GNAS-AS1: variants seen among roughly 807,000 people sequenced by gnomAD.
GNAS-AS1 encodes the protein GNAS antisense RNA 1.
intron 4 of GNAS-AS1, among the ~76,000 whole-genome samples, chr20:58,825,417 C>T (rs1054818015): frequency 1.6e-4 from 24 of 152,194 alleles, no homozygotes; most frequent in Non-Finnish European, 7.3e-5. Context: ...AGGGCTGCAC[C>T]TGGAGGGACA....
chr20:58,832,638 G>GA (rs1490981588), intron 4 of GNAS-AS1, among the ~76,000 whole-genome samples: 1 of 152,160 alleles, frequency 6.6e-6, no homozygotes, highest in Non-Finnish European at 1.5e-5. Flanking sequence ...AACTGAGCAG[G>GA]AATGAAACCA....
intron 4 of GNAS-AS1, among the ~76,000 whole-genome samples, chr20:58,830,356 TCACCACCACCACAA>T (rs2085551374): frequency 2.7e-5 from 1 of 37,042 alleles, no homozygotes; most frequent in Non-Finnish European, 5.2e-5. Flanking sequence ...CACACCACCA[TCACCACCACCACAA>T]CACCATCACC....
chr20:58,822,016 G>T (rs185472798), intron 4 of GNAS-AS1, among the ~76,000 whole-genome samples: 148 of 152,286 alleles, frequency 9.7e-4, no homozygotes, highest in African/African-American at 3.4e-3. Flanking sequence ...GAGGGAGGCC[G>T]AGGGATGCAC....
chr20:58,839,358 T>TAC, intron 4 of GNAS-AS1: 3 of 399,456 alleles, frequency 7.5e-6, no homozygotes, highest in Non-Finnish European at 8.8e-6. Flanking sequence ...TACTCGTGTA[T>TAC]AGACAGACCC....
At chr20:58,820,933 A>T (rs1024899478) in intron 4 of GNAS-AS1, among the ~76,000 whole-genome samples, 1 of 152,138 alleles carries the variant, frequency 6.6e-6, no homozygotes, top group Non-Finnish European at 1.5e-5. Context: ...ACAGAGCCAA[A>T]CCATATCAGA....
intron 4 of GNAS-AS1, chr20:58,838,693 G>A (rs999495967): frequency 2.0e-5 from 5 of 250,438 alleles, no homozygotes; most frequent in Non-Finnish European, 2.2e-5. Context: ...CGAGGCGGGC[G>A]GATCACTTGA....
At chr20:58,846,541 T>G (rs1046456661) in intron 2 of GNAS-AS1, among the ~76,000 whole-genome samples, 4 of 152,236 alleles carry the variant, frequency 2.6e-5, no homozygotes, top group African/African-American at 9.6e-5. Flanking sequence ...CCTAGAAATC[T>G]AGCTGTCTAG....
At chr20:58,825,295 A>T (rs759231208) in intron 4 of GNAS-AS1, among the ~76,000 whole-genome samples, 2 of 152,204 alleles carry the variant, frequency 1.3e-5, no homozygotes, top group Non-Finnish European at 2.9e-5. Flanking sequence ...TTTGGTGGGA[A>T]ATCTTTGTGT....
At chr20:58,819,090 C>G (rs1015335937) in exon 5 of GNAS-AS1, 1 of 398,674 alleles carries the variant, frequency 2.5e-6, no homozygotes, top group African/African-American at 2.1e-5. Flanking sequence ...TCACCAAACT[C>G]TCTTTGCTTA....
At chr20:58,825,979 T>C (rs923768803) in intron 4 of GNAS-AS1, 4 of 398,242 alleles carry the variant, frequency 1.0e-5, no homozygotes, top group Non-Finnish European at 1.8e-5. Flanking sequence ...GAAAGGTCTC[T>C]GAGAGTGCGC....
intron 4 of GNAS-AS1, chr20:58,839,783 C>T (rs1180351584): frequency 1.1e-5 from 6 of 571,078 alleles, no homozygotes; most frequent in Non-Finnish European, 3.1e-6. Context: ...AGAGGACCGG[C>T]GGAGGCACCT....
intron 4 of GNAS-AS1, among the ~76,000 whole-genome samples, chr20:58,833,120 G>A (rs901217935): frequency 2.0e-5 from 3 of 152,256 alleles, no homozygotes; most frequent in Admixed American, 6.5e-5. Flanking sequence ...GCTTAAAGGC[G>A]AGGATCTCCT....
chr20:58,839,734 T>C (rs1568905913), intron 4 of GNAS-AS1: 2 of 498,370 alleles, frequency 4.0e-6, no homozygotes, highest in East Asian at 6.2e-5. Flanking sequence ...TCACTGCCCG[T>C]CCCTCCTCGC....
At chr20:58,849,866 C>T (rs1278281732) in intron 1 of GNAS-AS1, among the ~76,000 whole-genome samples, 1 of 152,196 alleles carries the variant, frequency 6.6e-6, no homozygotes, top group African/African-American at 2.4e-5. Context: ...GCTGCTTCTG[C>T]TTTTCCTAAA....
intron 3 of GNAS-AS1, chr20:58,842,422 A>G (rs907595355): frequency 2.5e-5 from 10 of 398,498 alleles, no homozygotes; most frequent in African/African-American, 2.1e-4. Flanking sequence ...ATGATGATAG[A>G]AGGAAAATAC....
intron 4 of GNAS-AS1, among the ~76,000 whole-genome samples, chr20:58,823,433 CT>C (rs1449005181): frequency 6.6e-6 from 1 of 152,196 alleles, no homozygotes; most frequent in Non-Finnish European, 1.5e-5. Flanking sequence ...GCTTGGGGGG[CT>C]TTGGAGAGGC....
chr20:58,847,595 G>T (rs1471274565), intron 2 of GNAS-AS1, among the ~76,000 whole-genome samples: 1 of 152,164 alleles, frequency 6.6e-6, no homozygotes, highest in Non-Finnish European at 1.5e-5. Flanking sequence ...TCAATTGAAA[G>T]AAACCCACTG....
rs926782530 is a variant in GNAS-AS1, at chr20:58,841,432, G to T, written n.819+505C>A. ...ACTCTAGAGACTGACCACCCGGGAG[G>T]GAAGTCACGCGCGCGCGGCGCCTAA... On this transcript the variant is annotated intron_variant and non_coding_transcript_variant, in intron 4 of 4. Coordinates refer to ENST00000424094, the Ensembl canonical transcript of GNAS-AS1. The surrounding 1 kb of genome is among the most constrained non-coding windows in gnomAD (Gnocchi z 5.0). 6 of 991,684 alleles carry T rather than the reference G, an allele frequency of 6.1e-6. No homozygotes were observed. Among genetic ancestry groups the T allele is most frequent in the Non-Finnish European group, 6.0e-6 (5 of 833,962 alleles). 61.4% of individuals were successfully genotyped at this position (991,684 alleles called of 1,614,324 possible). A position where few individuals can be genotyped will look rare whatever the true frequency, so the allele number is the denominator to read the frequency against.
chr20:58,836,768 C>G (rs1353923319), intron 4 of GNAS-AS1, among the ~76,000 whole-genome samples: 1 of 152,208 alleles, frequency 6.6e-6, no homozygotes, highest in Non-Finnish European at 1.5e-5. Context: ...GGAATGGCAT[C>G]TCAGTGCAGT....
Sources: allele counts gnomAD v4.1 joint callset (sites outside exome capture counted in the v4.1 genomes callset), GRCh38; gene constraint gnomAD v4.1.1; non-coding constraint Gnocchi (gnomAD v3.1); transcripts MANE v1.5; gene names NCBI Gene and HGNC (gene_info 2026-07-23, HGNC 2026-07-21).